Variants in PIN4 observed in about 807,000 individuals in gnomAD.
PIN4 encodes the protein peptidyl-prolyl cis-trans isomerase NIMA-interacting 4.
PIN4 carries 3 observed loss-of-function variants against 8.3 expected under a neutral mutation model. That is an observed-to-expected ratio of 0.36 (90% confidence interval 0.16 to 0.93). The LOEUF is 0.93. Ranked by LOEUF, PIN4 falls within the 40% of genes least tolerant of loss-of-function variation. PIN4 has a pLI of 0.44. For missense variants in PIN4, 75 were observed against 100.6 expected (o/e 0.75, Z 1.09); for synonymous variants, 18 against 32.5 (o/e 0.55, Z 1.52).
At chrX:72,222,092 C>T (rs1285234917) in intron 3 of PIN4, among the ~76,000 whole-genome samples, 4 of 109,843 alleles carry the variant, frequency 3.6e-5, no homozygotes, top group African/African-American at 1.0e-4. Flanking sequence ...ACCTGTTACC[C>T]GTTCAAAAGC....
intron 3 of PIN4, among the ~76,000 whole-genome samples, chrX:72,251,994 G>A (rs1050092202): frequency 4.5e-5 from 5 of 111,669 alleles, no homozygotes; most frequent in African/African-American, 6.5e-5. Flanking sequence ...CTCAGTTCTG[G>A]AGGCTGGGAA....
intron 3 of PIN4, among the ~76,000 whole-genome samples, chrX:72,219,193 T>G (rs1003678861): frequency 2.7e-5 from 3 of 109,893 alleles, no homozygotes; most frequent in African/African-American, 1.0e-4. Context: ...GAGGTGGAGG[T>G]TGCAGAGAGC....
intron 1 of PIN4, among the ~76,000 whole-genome samples, chrX:72,183,299 T>C (rs916512849): frequency 1.2e-4 from 13 of 111,616 alleles, no homozygotes; most frequent in African/African-American, 3.9e-4. Context: ...GATATTTGAG[T>C]CTAAAGTTTG....
At chrX:72,182,029 G>C in intron 1 of PIN4, 1 of 442,967 alleles carries the variant, frequency 2.3e-6, no homozygotes, top group Non-Finnish European at 4.1e-6. Context: ...GATGGGGATA[G>C]TTCCTCGGAG....
intron 3 of PIN4, among the ~76,000 whole-genome samples, chrX:72,246,667 G>T (rs1274920951): frequency 9.0e-6 from 1 of 111,507 alleles, no homozygotes; most frequent in Non-Finnish European, 1.9e-5. Flanking sequence ...CAGCTATTCA[G>T]ATCTTGCCTC....
At chrX:72,190,457 T>TA (rs2042726113) in intron 2 of PIN4, among the ~76,000 whole-genome samples, 1 of 109,793 alleles carries the variant, frequency 9.1e-6, no homozygotes, top group South Asian at 3.8e-4. Flanking sequence ...TATGCATCAA[T>TA]AAAAAAGAAA....
intron 3 of PIN4, among the ~76,000 whole-genome samples, chrX:72,253,782 AC>A (rs1425070555): frequency 7.4e-5 from 8 of 108,693 alleles, no homozygotes; most frequent in East Asian, 2.9e-4. Flanking sequence ...AAAAAAAAAA[AC>A]AAAAGAAAAC....
At chrX:72,242,259 A>C (rs1203594428) in intron 3 of PIN4, among the ~76,000 whole-genome samples, 2 of 112,373 alleles carry the variant, frequency 1.8e-5, no homozygotes, top group African/African-American at 6.5e-5. Context: ...GGAAGGACCA[A>C]CACTCGGCTT....
chrX:72,223,822 C>T (rs1481091311), intron 3 of PIN4, among the ~76,000 whole-genome samples: 1 of 111,821 alleles, frequency 8.9e-6, no homozygotes, highest in African/African-American at 3.2e-5. Context: ...CTGGAAGTGT[C>T]ACCCTGAAGT....
intron 3 of PIN4, among the ~76,000 whole-genome samples, chrX:72,215,669 G>T (rs184419385): frequency 8.4e-4 from 93 of 111,288 alleles, no homozygotes; most frequent in African/African-American, 2.7e-3. Context: ...TTCATAACAC[G>T]CTGCGATTTG....
At chrX:72,236,353 C>G (rs1476879691) in intron 3 of PIN4, among the ~76,000 whole-genome samples, 1 of 111,218 alleles carries the variant, frequency 9.0e-6, no homozygotes, top group African/African-American at 3.3e-5. Flanking sequence ...GGCTGGAGTG[C>G]AGTGGCGCCA....
At chrX:72,186,429 T>A (rs2042703587) in intron 1 of PIN4, 32 bp from the exon 2 acceptor site, 2 of 1,028,368 alleles carry the variant, frequency 1.9e-6, no homozygotes, top group Non-Finnish European at 2.7e-6. Flanking sequence ...GAGGTGCAGT[T>A]TAAATGAGTA....
Position 72,197,655 on chromosome X carries a change from A to T in PIN4, c.*129A>T. 1 of 1,068,077 alleles carries T rather than the reference A, an allele frequency of 9.4e-7. No individual in the cohort carries two copies. Among genetic ancestry groups the T allele is most frequent in the Middle Eastern group, 3.8e-4 (1 of 2,663 alleles). The allele number at this position is 1,068,077 out of a possible 1,213,427, so 88.0% of individuals were successfully genotyped here. A position where few individuals can be genotyped will look rare whatever the true frequency, so the allele number is the denominator to read the frequency against. On this transcript the variant is annotated 3_prime_UTR_variant, in exon 4 of 4. Coordinates refer to ENST00000373669, the MANE Select transcript of PIN4 (RefSeq NM_006223.4). ...AGAAAAGATATTGGATGCTCCTTGTATTCTGTGAAAGCTCTAAGTATGGGT... is the reference window on the plus strand; with the variant it reads ...AGAAAAGATATTGGATGCTCCTTGTTTTCTGTGAAAGCTCTAAGTATGGGT...
intron 1 of PIN4, 87 bp from the exon 2 acceptor site, chrX:72,186,374 G>C: frequency 1.6e-6 from 1 of 636,317 alleles, no homozygotes; most frequent in Non-Finnish European, 2.6e-6. Context: ...GCGTTATGAT[G>C]GAAATATCCA....
chrX:72,198,267 A>G lies in PIN4; in HGVS notation c.*741A>G. The G allele has an allele frequency of 1.4e-6, 1 of 713,145 alleles. No individual in the cohort carries two copies. The highest frequency in any genetic ancestry group is 2.3e-5 in the African/African-American group (1 of 43,218). The allele number at this position is 713,145 out of a possible 1,213,427, so 58.8% of individuals were successfully genotyped here. ...TTTTAAAATTTAAAATGCCATATTTATGACATATAAAAAAGTATAAAGATT... is the reference window on the plus strand; with the variant it reads ...TTTTAAAATTTAAAATGCCATATTTGTGACATATAAAAAAGTATAAAGATT... On this transcript the variant is annotated 3_prime_UTR_variant, in exon 4 of 4. Transcript: ENST00000373669.
At chrX:72,195,110 A>G (rs770461096) in intron 2 of PIN4, among the ~76,000 whole-genome samples, 2 of 112,477 alleles carry the variant, frequency 1.8e-5, no homozygotes, top group East Asian at 5.6e-4. Context: ...CCTGTAGTTA[A>G]GTGACGCGTG....
intron 3 of PIN4, among the ~76,000 whole-genome samples, chrX:72,235,514 G>A (rs987664126): frequency 5.5e-5 from 6 of 108,174 alleles, no homozygotes; most frequent in African/African-American, 2.0e-4. Context: ...TCCTGCCTCA[G>A]CCTCCTGGGT....
At chrX:72,189,870 C>G (rs56929922) in intron 2 of PIN4, among the ~76,000 whole-genome samples, 11,614 of 110,704 alleles carry the variant, frequency 0.1, 858 homozygotes, top group East Asian at 0.47. Flanking sequence ...TTGAAGGCAC[C>G]AGTCGGTGAG....
intron 1 of PIN4, among the ~76,000 whole-genome samples, chrX:72,185,461 A>G (rs1201200333): frequency 9.0e-6 from 1 of 111,622 alleles, no homozygotes; most frequent in Non-Finnish European, 1.9e-5. Flanking sequence ...GTCCATAACC[A>G]TCTCTGCATC....
Sources: allele counts gnomAD v4.1 joint callset (sites outside exome capture counted in the v4.1 genomes callset), GRCh38; gene constraint gnomAD v4.1.1; transcripts MANE v1.5; gene names NCBI Gene and HGNC (gene_info 2026-07-23, HGNC 2026-07-21).